Variants in ZNF329 observed in about 807,000 individuals in gnomAD.
ZNF329 encodes zinc finger protein 329.
Under a neutral mutation model 26.6 loss-of-function variants are expected in ZNF329, and 15 were observed. That is an observed-to-expected ratio of 0.56 (90% CI 0.38 to 0.87). The LOEUF (loss-of-function observed/expected upper bound fraction) is 0.87. ZNF329 is among the 40% of genes least tolerant of loss of function. The pLI is 0.00. For synonymous variants in ZNF329, 239 were observed against 233.5 expected, an observed-to-expected ratio of 1.02 and a Z score of -0.21; for missense variants, 651 against 651.9, an observed-to-expected ratio of 1.00 and a Z score of 0.02.
At chr19:58,154,136 G>C (rs2075504179), upstream of ZNF329, among the ~76,000 whole-genome samples, 1 of 151,924 alleles carries the variant, frequency 6.6e-6, no homozygotes, top group East Asian at 1.9e-4. Context: ...AGCCTCCCAA[G>C]TAGCAGGGAT....
intron 3 of ZNF329, among the ~76,000 whole-genome samples, chr19:58,133,589 T>A (rs545966843): frequency 1.3e-5 from 2 of 149,986 alleles, no homozygotes; most frequent in East Asian, 3.9e-4. Flanking sequence ...AAAAAAAAAT[T>A]CAGAAAAGCA....
intron 1 of ZNF329, among the ~76,000 whole-genome samples, chr19:58,147,356 A>T (rs1266081156): frequency 7.2e-6 from 1 of 138,530 alleles, no homozygotes; most frequent in Non-Finnish European, 1.6e-5. Flanking sequence ...TCCGCCCGGC[A>T]GCCACCCCGT....
chr19:58,131,974 G>A (rs567045143), intron 3 of ZNF329, among the ~76,000 whole-genome samples: 45 of 144,934 alleles, frequency 3.1e-4, no homozygotes, highest in African/African-American at 9.8e-4. Context: ...AGTGAGCCGC[G>A]ATAGCGCCAC....
chr19:58,145,206 T>C (rs2075280648), intron 1 of ZNF329, among the ~76,000 whole-genome samples: 1 of 151,564 alleles, frequency 6.6e-6, no homozygotes, highest in Non-Finnish European at 1.5e-5. Flanking sequence ...CCCAGGCTGG[T>C]TTCAAACTCC....
chr19:58,140,874 A>ATTCT, intron 3 of ZNF329, among the ~76,000 whole-genome samples: 1 of 133,942 alleles, frequency 7.5e-6, no homozygotes, highest in South Asian at 2.4e-4. Context: ...ATCACACATA[A>ATTCT]TTTTTTTTTT....
intron 1 of ZNF329, among the ~76,000 whole-genome samples, chr19:58,149,857 A>T (rs889649601): frequency 2.0e-5 from 3 of 152,210 alleles, no homozygotes; most frequent in South Asian, 4.1e-4. Flanking sequence ...CAAAAAATTT[A>T]AAAAAGCACT....
chr19:58,129,399 A>G lies in ZNF329; in HGVS notation c.105T>C (p.Gly35=). 4 of 1,614,152 alleles carry G rather than the reference A, an allele frequency of 2.5e-6. No homozygotes were observed. Among genetic ancestry groups the G allele is most frequent in the Non-Finnish European group, 3.4e-6 (4 of 1,180,026 alleles). ...TREVPCLSSL[G]DGWDCENQEG... is the part of the protein sequence containing the mutation. Reference sequence around the variant, plus strand: ...CCTGGTTCTCACAGTCCCAACCATCACCTAAACTGGACAAGCAGGGAACTT... The same window carrying G: ...CCTGGTTCTCACAGTCCCAACCATCGCCTAAACTGGACAAGCAGGGAACTT... Residue 35 remains glycine (G), a synonymous_variant, in exon 4 of 4, where the codon GGT becomes GGC. Transcript: ENST00000598312.
At chr19:58,141,689 C>T (rs1036252534) in intron 3 of ZNF329, among the ~76,000 whole-genome samples, 3 of 151,956 alleles carry the variant, frequency 2.0e-5, no homozygotes, top group African/African-American at 7.2e-5. Context: ...CTCAGGAATT[C>T]AAGACCAGCC....
chr19:58,141,922 A>G (rs151211321), intron 3 of ZNF329, among the ~76,000 whole-genome samples: 2,438 of 151,390 alleles, frequency 0.016, 37 homozygotes, highest in Non-Finnish European at 0.027. Flanking sequence ...TTAGCCGGGT[A>G]TGGTGGCCCT....
intron 1 of ZNF329, among the ~76,000 whole-genome samples, chr19:58,144,905 AG>A (rs2146117371): frequency 6.9e-6 from 1 of 144,364 alleles, no homozygotes; most frequent in South Asian, 2.2e-4. Flanking sequence ...GCTGGAGTGC[AG>A]TGGTGCGATC....
At chr19:58,135,643 G>C (rs2075047958) in intron 3 of ZNF329, among the ~76,000 whole-genome samples, 1 of 152,176 alleles carries the variant, frequency 6.6e-6, no homozygotes, top group Non-Finnish European at 1.5e-5. Context: ...ACAGAATGTA[G>C]TTACCCAATC....
At chr19:58,150,102 G>C (rs2075415832) in intron 1 of ZNF329, among the ~76,000 whole-genome samples, 1 of 152,178 alleles carries the variant, frequency 6.6e-6, no homozygotes, top group Non-Finnish European at 1.5e-5. Flanking sequence ...AAAATATTGA[G>C]ACTGGAAGAC....
intron 3 of ZNF329, among the ~76,000 whole-genome samples, chr19:58,131,976 T>C (rs1046262612): frequency 5.2e-5 from 7 of 135,826 alleles, no homozygotes; most frequent in East Asian, 2.2e-4. Flanking sequence ...TGAGCCGCGA[T>C]AGCGCCACTG....
intron 3 of ZNF329, among the ~76,000 whole-genome samples, chr19:58,134,288 G>A (rs1429636341): frequency 6.6e-6 from 1 of 152,118 alleles, no homozygotes; most frequent in Non-Finnish European, 1.5e-5. Flanking sequence ...ACATTGTAGA[G>A]GGAGGTCAGA....
rs1319173750 is a variant in ZNF329 at position 58,150,761 on chromosome 19, C to G, written c.-217G>C. On this transcript the variant is annotated 5_prime_UTR_variant, in exon 1 of 4. Coordinates refer to ENST00000598312, the MANE Select transcript of ZNF329 (RefSeq NM_024620.4). Reference sequence around the variant, plus strand: ...ATGCGTCGGCACTTACGGTTGGCGGCCGGCGGCAGCCATGTTCCGGGCGAT... The same window carrying G: ...ATGCGTCGGCACTTACGGTTGGCGGGCGGCGGCAGCCATGTTCCGGGCGAT... 6.5e-6 allele frequency: 1 copy of G among 152,726 alleles called. No individual in the cohort carries two copies. The highest frequency in any genetic ancestry group is 2.4e-5 in the African/African-American group (1 of 41,480). The allele number at this position is 152,726 out of a possible 1,614,324, so 9.5% of individuals were successfully genotyped here. A position where few individuals can be genotyped will look rare whatever the true frequency, so the allele number is the denominator to read the frequency against.
Position 58,128,381 on chromosome 19 carries a change from C to G in ZNF329, c.1123G>C (p.Glu375Gln). ...HTGEKPFECA[E>Q]CGKSFNRNSH... ...TTTCTGTTGAAGGATTTCCCGCACT[C>G]TGCACACTCAAAGGGCTTTTCTCCA... Residue 375 changes from glutamate (E) to glutamine (Q), a missense_variant, in exon 4 of 4, where the codon GAG becomes CAG. Glu to Gln is a conservative substitution (Grantham distance 29). Coordinates refer to ENST00000598312, the MANE Select transcript of ZNF329 (RefSeq NM_024620.4). The G allele has an allele frequency of 2.5e-6, 4 of 1,614,148 alleles. No homozygotes were observed. The highest frequency in any genetic ancestry group is 2.2e-5 in the East Asian group (1 of 44,858).
chr19:58,148,353 A>G (rs2075372617), intron 1 of ZNF329, among the ~76,000 whole-genome samples: 1 of 149,676 alleles, frequency 6.7e-6, no homozygotes, highest in Non-Finnish European at 1.5e-5. Flanking sequence ...TGACCCTGCC[A>G]AATCCCCCTC....
intron 3 of ZNF329, among the ~76,000 whole-genome samples, chr19:58,130,567 G>C (rs1019655546): frequency 6.6e-6 from 1 of 150,636 alleles, no homozygotes; most frequent in East Asian, 2.0e-4. Context: ...CCAGCTACTC[G>C]GGAGGCTGAG....
In ZNF329 at chr19:58,127,879, T is replaced by A; in HGVS notation, c.1625A>T (p.Ter542LeuextTer6). The change falls in exon 4 of 4, where the codon TAA becomes TTA. Residue 542 changes from the stop codon to leucine, a stop_lost. Transcript: ENST00000598312. ...GAAGACTCATGTGGCCCCCAACCAT[T>A]ATGTTTCCATGGGTTGCTCTCCCAG... ...AHLGEQPMET[*>L] 1 of 1,577,742 alleles carries A rather than the reference T, an allele frequency of 6.3e-7. No homozygotes were observed. The highest frequency in any genetic ancestry group is 8.6e-7 in the Non-Finnish European group (1 of 1,160,970).
Sources: allele counts gnomAD v4.1 joint callset (sites outside exome capture counted in the v4.1 genomes callset), GRCh38; gene constraint gnomAD v4.1.1; transcripts MANE v1.5; gene names NCBI Gene and HGNC (gene_info 2026-07-23, HGNC 2026-07-21).